The following LDB3 variants were observed in gnomAD, a reference collection of about 807,000 sequenced individuals.
LDB3 encodes the protein LIM domain binding 3, also known as LIM domain-binding protein 3.
In LDB3, 49 loss-of-function variants were observed where a neutral mutation model predicts 69.0. That is an observed-to-expected ratio of 0.71 (90% confidence interval 0.56 to 0.90). The LOEUF is 0.90. Ranked by LOEUF, LDB3 falls within the 40% of genes least tolerant of loss-of-function variation. The pLI is 0.00. For synonymous variants in LDB3, 387 were observed against 396.2 expected (o/e 0.98, Z 0.28); for missense variants, 928 against 974.1 (o/e 0.95, Z 0.63).
At chr10:86,687,625 C>T (rs74604783) in intron 5 of LDB3, among the ~76,000 whole-genome samples, 7,655 of 152,312 alleles carry the variant, frequency 0.05, 246 homozygotes, top group African/African-American at 0.09. Context: ...CCTCTCACAG[C>T]GAAGCTGTCC....
At chr10:86,713,099 T>C (rs1846729358) in intron 9 of LDB3, among the ~76,000 whole-genome samples, 2 of 151,624 alleles carry the variant, frequency 1.3e-5, no homozygotes, top group South Asian at 4.2e-4. Flanking sequence ...CAACATATAA[T>C]CAATATAAAA....
intron 2 of LDB3, among the ~76,000 whole-genome samples, chr10:86,673,922 G>A (rs1844624253): frequency 6.6e-6 from 1 of 152,194 alleles, no homozygotes; most frequent in Non-Finnish European, 1.5e-5. Context: ...GGGAAAATAG[G>A]AGCCAATGGC....
chr10:86,689,066 C>T (rs577862616), intron 5 of LDB3, among the ~76,000 whole-genome samples: 2 of 152,190 alleles, frequency 1.3e-5, no homozygotes, highest in South Asian at 2.1e-4. Context: ...TTGGCCATAA[C>T]GTGCTCCCAT....
chr10:86,735,884 T>C lies in LDB3; in HGVS notation c.*2908T>C, dbSNP rs1389873149. ...GTTTGTGTTAGGAACCTAGCTTTTA[T>C]AATGTGTTAACTTTTTAACTCAGTA... On this transcript the variant is annotated 3_prime_UTR_variant, in exon 14 of 14. Transcript: ENST00000361373. The C allele has an allele frequency of 6.6e-6, 1 of 152,106 alleles. No individual in the cohort carries two copies. Among genetic ancestry groups the C allele is most frequent in the African/African-American group, 2.4e-5 (1 of 41,428 alleles). The allele number at this position is 152,106 out of a possible 1,614,324, so 9.4% of individuals were successfully genotyped here.
At position 86,726,007 on chromosome 10, in the gene LDB3, A is replaced by C. The variant is rs373150792; in HGVS notation, c.1979-130A>C. 1.0e-5 allele frequency: 7 copies of C among 698,418 alleles called. No homozygotes were observed. The East Asian group carries it at 1.1e-4, about 11-fold the overall frequency. The allele number at this position is 698,418 out of a possible 1,614,324, so 43.3% of individuals were successfully genotyped here. On this transcript the variant is annotated intron_variant, in intron 12 of 13. Coordinates refer to ENST00000361373, the MANE Select transcript of LDB3 (RefSeq NM_007078.3). ...TATCAGTCATGTAACTGAGTATTTC[A>C]TCTGTGAGATGACAAACAACCAATT...
chr10:86,718,611 T>A (rs1304443039), intron 11 of LDB3, 116 bp from the exon 12 acceptor site: 1 of 1,405,190 alleles, frequency 7.1e-7, no homozygotes, highest in Non-Finnish European at 1.0e-6. Flanking sequence ...GCCTGCATCC[T>A]GAGATCTCCT....
chr10:86,726,054 C>A, intron 12 of LDB3, 83 bp from the exon 13 acceptor site: 1 of 861,820 alleles, frequency 1.2e-6, no homozygotes. Flanking sequence ...CCTGCTTCTG[C>A]CCACTGATTT....
intron 2 of LDB3, among the ~76,000 whole-genome samples, chr10:86,674,528 G>T (rs1001451498): frequency 2.0e-5 from 3 of 152,192 alleles, no homozygotes; most frequent in Non-Finnish European, 4.4e-5. Context: ...TTTCTTGGGG[G>T]CTTTGGAGAC....
Position 86,716,381 on chromosome 10 carries a change from A to T in LDB3, c.1286A>T (p.Tyr429Phe), listed in dbSNP as rs890033080. ...GGGGCCAATTACAGTCCCACTCCCTACACCCCCTCCCCTGCCCCTGCCTAC... is the reference window on the plus strand; with the variant it reads ...GGGGCCAATTACAGTCCCACTCCCTTCACCCCCTCCCCTGCCCCTGCCTAC... ...SPGANYSPTP[Y>F]TPSPAPAYTP... Residue 429 changes from tyrosine (Y) to phenylalanine (F), a missense_variant, in exon 10 of 14, where the codon TAC (tyrosine) becomes TTC (phenylalanine). Physicochemically the swap from Tyr to Phe is conservative, Grantham distance 22. Coordinates refer to ENST00000361373, the MANE Select transcript of LDB3 (RefSeq NM_007078.3). 1 of 1,598,314 alleles carries T rather than the reference A, an allele frequency of 6.3e-7. No homozygotes were observed. The highest frequency in any genetic ancestry group is 8.5e-7 in the Non-Finnish European group (1 of 1,175,240).
rs71487273 is a variant in LDB3, at chr10:86,688,050, C to CGTGTGTGTGTGTGT, written c.690-3825_690-3812dup. Reference sequence around the variant, plus strand: ...CTCTGTCTCTCCCTCCCCCGACCCTCGTGTGTGTGTGTGTGTGTGTGTGTG... The same window carrying CGTGTGTGTGTGTGT: ...CTCTGTCTCTCCCTCCCCCGACCCTCGTGTGTGTGTGTGTGTGTGTGTGTGTGTGTGTGTGTGTG... On this transcript the variant is annotated intron_variant, in intron 5 of 13. Coordinates refer to ENST00000361373, the MANE Select transcript of LDB3 (RefSeq NM_007078.3). Among the ~76,000 whole-genome samples the CGTGTGTGTGTGTGT allele has an allele frequency of 2.5e-3, 257 of 103,010 alleles. 1 individual carries two copies. The highest frequency in any genetic ancestry group is 9.2e-3 in the South Asian group (20 of 2,168). The allele number at this position is 103,010 out of a possible 152,430, so 67.6% of individuals were successfully genotyped here. A position where few individuals can be genotyped will look rare whatever the true frequency, so the allele number is the denominator to read the frequency against.
chr10:86,702,026 G>T (rs1401792869), intron 7 of LDB3, among the ~76,000 whole-genome samples: 2 of 152,150 alleles, frequency 1.3e-5, no homozygotes, highest in Admixed American at 1.3e-4. Context: ...GAGCATTCCT[G>T]GGGCAAAGTG....
chr10:86,690,746 G>A (rs1279724910), intron 5 of LDB3, among the ~76,000 whole-genome samples: 1 of 152,254 alleles, frequency 6.6e-6, no homozygotes, highest in Non-Finnish European at 1.5e-5. Context: ...CATCTTTCCA[G>A]GCATAGGTCC....
At chr10:86,671,205 G>C (rs926943049) in intron 2 of LDB3, among the ~76,000 whole-genome samples, 2 of 152,238 alleles carry the variant, frequency 1.3e-5, no homozygotes, top group African/African-American at 4.8e-5. Context: ...TCACAGGACA[G>C]GGATGTCCAT....
intron 10 of LDB3, among the ~76,000 whole-genome samples, chr10:86,717,449 A>G (rs1000572880): frequency 7.2e-5 from 11 of 152,254 alleles, no homozygotes; most frequent in Non-Finnish European, 1.3e-4. Flanking sequence ...GGAACTAGAC[A>G]ATACAAGTTT....
chr10:86,731,627 T>A (rs1009686680), intron 13 of LDB3, among the ~76,000 whole-genome samples: 1 of 152,180 alleles, frequency 6.6e-6, no homozygotes, highest in Non-Finnish European at 1.5e-5. Flanking sequence ...CAGTTTCTAG[T>A]TGAGCACAGG....
rs45491495 is a variant in LDB3 at position 86,668,884 on chromosome 10, G to A, written c.93+100G>A. The A allele has an allele frequency of 1.6e-5, 15 of 920,900 alleles. No homozygotes were observed. The Admixed American group carries it at 2.9e-4, about 18-fold the overall frequency. 57.0% of individuals were successfully genotyped at this position (920,900 alleles called of 1,614,324 possible). ...CTGTCTGTCCTTTCTGAGCCTCTCA[G>A]AAAGCAGAGCATGCCCCATCCCCTG... On this transcript the variant is annotated intron_variant, in intron 2 of 13. Coordinates refer to ENST00000361373, the MANE Select transcript of LDB3 (RefSeq NM_007078.3).
intron 13 of LDB3, 42 bp downstream of exon 13, chr10:86,726,294 AGGAG>A: frequency 6.5e-7 from 1 of 1,538,822 alleles, no homozygotes; most frequent in Non-Finnish European, 9.0e-7. Context: ...GAGAAGAGGC[AGGAG>A]GGAGGAAGTG....
upstream of LDB3, among the ~76,000 whole-genome samples, chr10:86,668,137 T>C (rs1177312853): frequency 2.0e-5 from 3 of 152,126 alleles, no homozygotes; most frequent in Admixed American, 6.5e-5. Flanking sequence ...CAGGGCCCCA[T>C]ACTGGATAAA....
intron 7 of LDB3, among the ~76,000 whole-genome samples, chr10:86,701,165 C>G (rs939842809): frequency 1.1e-4 from 16 of 152,230 alleles, no homozygotes; most frequent in African/African-American, 3.9e-4. Flanking sequence ...GGCCAGGCAG[C>G]CTTCATCCCG....
Sources: gnomAD v4.1 joint callset for allele counts (sites outside exome capture counted in the v4.1 genomes callset) on GRCh38, gnomAD v4.1.1 for gene constraint, MANE v1.5 for transcripts, NCBI Gene and HGNC (gene_info 2026-07-23, HGNC 2026-07-21) for gene names.